Variants in FER observed in about 807,000 individuals in gnomAD.
FER encodes the protein tyrosine-protein kinase Fer.
FER carries 63 observed loss-of-function variants against 111.0 expected under a neutral mutation model. The ratio of observed to expected loss-of-function variants is 0.57; its 90% confidence interval spans 0.46 to 0.70. FER has a LOEUF of 0.70. Ranked by LOEUF, FER falls within the 30% of genes least tolerant of loss-of-function variation. FER has a pLI of 0.00. For missense variants in FER, 914 were observed against 954.0 expected (o/e 0.96, Z 0.55); for synonymous variants, 327 against 313.9 (o/e 1.04, Z -0.44).
At chr5:109,106,750 G>C (rs916635134) in intron 17 of FER, among the ~76,000 whole-genome samples, 1 of 151,968 alleles carries the variant, frequency 6.6e-6, no homozygotes, top group Non-Finnish European at 1.5e-5. Flanking sequence ...CCCACCACTA[G>C]TTTCACTCAT....
chr5:109,010,336 T>C (rs2149801442), intron 13 of FER, among the ~76,000 whole-genome samples: 2 of 152,206 alleles, frequency 1.3e-5, no homozygotes, highest in South Asian at 4.2e-4. Context: ...TTTTTGTATT[T>C]TTAGTAGAGA....
intron 13 of FER, 77 bp downstream of exon 13, chr5:108,959,424 A>C: frequency 6.8e-7 from 1 of 1,465,960 alleles, no homozygotes; most frequent in Non-Finnish European, 9.1e-7. Context: ...CAGTAAATAA[A>C]ATTCTTAGGT....
chr5:108,976,006 T>A (rs879503877), intron 13 of FER, among the ~76,000 whole-genome samples: 3 of 152,124 alleles, frequency 2.0e-5, no homozygotes, highest in Non-Finnish European at 4.4e-5. Context: ...GATATGTATA[T>A]CTGGAATTTA....
At chr5:108,995,123 C>T (rs1271934970) in intron 13 of FER, among the ~76,000 whole-genome samples, 3 of 151,980 alleles carry the variant, frequency 2.0e-5, no homozygotes, top group Admixed American at 2.0e-4. Flanking sequence ...ACCTGATTGC[C>T]CTGGCCAGAA....
chr5:108,971,567 CAG>C (rs1301809434), intron 13 of FER, among the ~76,000 whole-genome samples: 1 of 152,130 alleles, frequency 6.6e-6, no homozygotes, highest in Non-Finnish European at 1.5e-5. Context: ...TTTTAGATAA[CAG>C]TGTCCTCAAC....
chr5:109,087,923 A>T (rs1274268252), intron 16 of FER, among the ~76,000 whole-genome samples: 1 of 151,906 alleles, frequency 6.6e-6, no homozygotes, highest in African/African-American at 2.4e-5. Flanking sequence ...TTCAAAATCT[A>T]ATTTTATAAA....
chr5:109,043,008 G>C (rs1448607489), intron 14 of FER, among the ~76,000 whole-genome samples: 3 of 152,170 alleles, frequency 2.0e-5, no homozygotes, highest in East Asian at 1.9e-4. Context: ...GGAGAAGTGA[G>C]GGACTGAAGA....
intron 10 of FER, among the ~76,000 whole-genome samples, chr5:108,921,519 C>G (rs1753012816): frequency 6.6e-6 from 1 of 152,012 alleles, no homozygotes; most frequent in Non-Finnish European, 1.5e-5. Flanking sequence ...TGAACAAGCT[C>G]TTAGAACTCG....
intron 17 of FER, among the ~76,000 whole-genome samples, chr5:109,110,911 C>T (rs984542456): frequency 2.6e-5 from 4 of 152,154 alleles, no homozygotes; most frequent in African/African-American, 9.6e-5. Flanking sequence ...TGCTGTGCTA[C>T]TGGTGATACA....
chr5:109,075,069 T>C (rs1776163585), intron 16 of FER, among the ~76,000 whole-genome samples: 1 of 152,198 alleles, frequency 6.6e-6, no homozygotes, highest in African/African-American at 2.4e-5. Context: ...TGTGTATATA[T>C]CTTAGCTTTC....
chr5:109,011,417 T>G (rs1234244568), intron 13 of FER, among the ~76,000 whole-genome samples: 5 of 152,228 alleles, frequency 3.3e-5, no homozygotes, highest in African/African-American at 1.2e-4. Context: ...TGTCTTTGTT[T>G]TCAGTACATT....
intron 17 of FER, chr5:109,177,592 T>G (rs574856163): frequency 6.6e-6 from 1 of 152,244 alleles, no homozygotes; most frequent in South Asian, 2.1e-4. Context: ...GTGAAGAAAA[T>G]TTACTCATCT....
intron 9 of FER, among the ~76,000 whole-genome samples, chr5:108,893,594 A>G (rs1748538814): frequency 6.6e-6 from 1 of 152,132 alleles, no homozygotes; most frequent in Admixed American, 6.6e-5. Flanking sequence ...CATGGAAACA[A>G]CAACAATAAG....
At chr5:108,757,194 C>G (rs1319194908) in intron 1 of FER, among the ~76,000 whole-genome samples, 1 of 152,150 alleles carries the variant, frequency 6.6e-6, no homozygotes, top group African/African-American at 2.4e-5. Context: ...TTGGGAGCAA[C>G]TCTAAAGGTC....
intron 17 of FER, among the ~76,000 whole-genome samples, chr5:109,180,238 C>A (rs1318855872): frequency 1.3e-5 from 2 of 152,150 alleles, no homozygotes; most frequent in East Asian, 3.9e-4. Flanking sequence ...ACTTTCCAAC[C>A]TTTGGGAAGC....
At chr5:108,949,916 A>G (rs1243981469) in intron 11 of FER, among the ~76,000 whole-genome samples, 3 of 152,122 alleles carry the variant, frequency 2.0e-5, no homozygotes, top group African/African-American at 7.2e-5. Context: ...GATGAGTGAG[A>G]GTCACAGGCA....
At chr5:108,872,384 TTGGTAA>T (rs1481624511) in intron 8 of FER, among the ~76,000 whole-genome samples, 172 bp downstream of exon 8, 1 of 152,140 alleles carries the variant, frequency 6.6e-6, no homozygotes, top group Non-Finnish European at 1.5e-5. Flanking sequence ...GTCACTACTT[TTGGTAA>T]TTCCGAATAT....
At chr5:108,752,983 T>G (rs1750665849) in intron 1 of FER, among the ~76,000 whole-genome samples, 1 of 152,094 alleles carries the variant, frequency 6.6e-6, no homozygotes, top group African/African-American at 2.4e-5. Flanking sequence ...CGGGTTTTAG[T>G]TCCAGTTTCT....
intron 3 of FER, among the ~76,000 whole-genome samples, chr5:108,805,563 G>T (rs1039995805): frequency 2.6e-5 from 4 of 152,182 alleles, no homozygotes; most frequent in Non-Finnish European, 5.9e-5. Flanking sequence ...CTTGTTGAAT[G>T]GCTTTGACAG....
Sources: gnomAD v4.1 joint callset for allele counts (sites outside exome capture counted in the v4.1 genomes callset) on GRCh38, gnomAD v4.1.1 for gene constraint, MANE v1.5 for transcripts, NCBI Gene and HGNC (gene_info 2026-07-23, HGNC 2026-07-21) for gene names.